Variants in OXR1 observed in about 807,000 individuals in gnomAD.
OXR1 encodes oxidation resistance protein 1.
OXR1 carries 41 observed loss-of-function variants against 104.6 expected under a neutral mutation model. That is an observed-to-expected ratio of 0.39 (90% CI 0.31 to 0.51). OXR1 has a LOEUF of 0.51. Ranked by LOEUF, OXR1 falls within the 20% of genes least tolerant of loss-of-function variation. The pLI, the probability that OXR1 is intolerant of heterozygous loss-of-function variation, is 0.77. For missense variants in OXR1, 955 were observed against 1,031.9 expected (o/e 0.93, Z 1.02); for synonymous variants, 348 against 348.4 (o/e 1.00, Z 0.01).
At chr8:106,496,189 C>G (rs1811400496) in intron 2 of OXR1, among the ~76,000 whole-genome samples, 1 of 151,904 alleles carries the variant, frequency 6.6e-6, no homozygotes, top group Non-Finnish European at 1.5e-5. Flanking sequence ...AAGTCTAATC[C>G]CTGGACCAAT....
chr8:106,513,929 A>T (rs563197802), intron 2 of OXR1, among the ~76,000 whole-genome samples: 1 of 152,264 alleles, frequency 6.6e-6, no homozygotes, highest in African/African-American at 2.4e-5. Context: ...ATTGGAATAC[A>T]TGTGCAGAGG....
chr8:106,733,044 T>C (rs933297920), intron 11 of OXR1, among the ~76,000 whole-genome samples: 1 of 152,180 alleles, frequency 6.6e-6, no homozygotes, highest in African/African-American at 2.4e-5. Context: ...TATTGATTAA[T>C]TATTTAAATA....
At chr8:106,580,826 T>C (rs1818173828) in intron 3 of OXR1, 1 of 196,110 alleles carries the variant, frequency 5.1e-6, no homozygotes, top group Non-Finnish European at 9.2e-6. Context: ...AGCTAATATT[T>C]TGTGAGCAAA....
intron 2 of OXR1, among the ~76,000 whole-genome samples, chr8:106,406,677 T>G (rs1217318343): frequency 6.6e-6 from 1 of 152,170 alleles, no homozygotes; most frequent in East Asian, 1.9e-4. Context: ...AGATCAGCAG[T>G]TGCCAGGGAT....
intron 2 of OXR1, among the ~76,000 whole-genome samples, chr8:106,401,944 A>C (rs1355079726): frequency 6.6e-6 from 1 of 152,146 alleles, no homozygotes; most frequent in Non-Finnish European, 1.5e-5. Flanking sequence ...TGGAGAGTTG[A>C]TATATCTCTG....
At chr8:106,363,160 A>G (rs1304670009) in intron 2 of OXR1, among the ~76,000 whole-genome samples, 1 of 152,260 alleles carries the variant, frequency 6.6e-6, no homozygotes, top group African/African-American at 2.4e-5. Context: ...GTGAGCATCT[A>G]TAACATGCCA....
chr8:106,398,048 C>G (rs1563754256), intron 2 of OXR1, among the ~76,000 whole-genome samples: 1 of 151,890 alleles, frequency 6.6e-6, no homozygotes, highest in African/African-American at 2.4e-5. Context: ...ATGGCCTTCT[C>G]TGTGTGTGTG....
At chr8:106,450,769 T>TC (rs1820268768) in intron 2 of OXR1, among the ~76,000 whole-genome samples, 1 of 151,922 alleles carries the variant, frequency 6.6e-6, no homozygotes, top group South Asian at 2.1e-4. Context: ...GGGTGCTTTT[T>TC]TTTTTTTTAA....
At chr8:106,731,984 T>G (rs1833933916) in intron 11 of OXR1, among the ~76,000 whole-genome samples, 3 of 152,170 alleles carry the variant, frequency 2.0e-5, no homozygotes, top group Admixed American at 2.0e-4. Flanking sequence ...ATACATCAAG[T>G]TGAGAAGAAC....
Position 106,324,628 on chromosome 8 carries a change from C to T in OXR1, c.-138-34848C>T, listed in dbSNP as rs192290825. On this transcript the variant is annotated intron_variant, in intron 1 of 16. Transcript: ENST00000517566. ...TCCTTGGGTACCGTGAAATTTCCTT[C>T]TTTTTTTTTTAGAGCACCTAGTGCC... 4.1e-3 allele frequency among the ~76,000 whole-genome samples: 611 copies of T among 148,498 alleles called. 3 individuals are homozygous for T. The highest frequency in any genetic ancestry group is 0.014 in the African/African-American group (563 of 40,562).
In OXR1 at chr8:106,706,533, G is replaced by A. The variant is rs369091497; in HGVS notation, c.1012G>A (p.Val338Met). 1.2e-6 allele frequency: 2 copies of A among 1,607,874 alleles called. No individual in the cohort carries two copies. The highest frequency in any genetic ancestry group is 2.7e-5 in the African/African-American group (2 of 74,356). Residue 338 changes from valine to methionine, a missense_variant, in exon 9 of 17, where the codon GTG becomes ATG. Val to Met is a conservative substitution (Grantham distance 21). This residue lies in a region of OXR1 where 849 missense variants were observed against 852.9 expected (regional missense o/e 1.00). Coordinates refer to ENST00000517566, the MANE Select transcript of OXR1 (RefSeq NM_001198533.2). The stretch of plus-strand genomic sequence containing the variant: ...CACTGAGGAGTCTCTTTCTGAAGAT[G>A]TGTTCACAGAATCAGAACTTTCCCC... ...RSTEESLSED[V>M]FTESELSPIR...
intron 2 of OXR1, among the ~76,000 whole-genome samples, chr8:106,476,527 C>T (rs758191615): frequency 1.3e-5 from 2 of 151,840 alleles, no homozygotes; most frequent in East Asian, 3.9e-4. Context: ...TTAGCCTAAC[C>T]CTTCCTGCCT....
At chr8:106,321,131 C>T (rs768216186) in intron 1 of OXR1, among the ~76,000 whole-genome samples, 1 of 152,102 alleles carries the variant, frequency 6.6e-6, no homozygotes, top group South Asian at 2.1e-4. Flanking sequence ...TTTATCTCTA[C>T]AAATAAGAAG....
At chr8:106,354,711 G>C (rs1341927238) in intron 1 of OXR1, among the ~76,000 whole-genome samples, 1 of 152,002 alleles carries the variant, frequency 6.6e-6, no homozygotes, top group Non-Finnish European at 1.5e-5. Flanking sequence ...TTATGTGGTA[G>C]GTTACTTAAA....
chr8:106,523,806 G>C (rs1161919952), intron 3 of OXR1, among the ~76,000 whole-genome samples: 1 of 149,634 alleles, frequency 6.7e-6, no homozygotes, highest in Admixed American at 6.7e-5. Flanking sequence ...ACGGAGTCTC[G>C]CTCTGTTGCC....
chr8:106,581,728 ATT>A (rs1818236299), intron 3 of OXR1, among the ~76,000 whole-genome samples: 1 of 152,076 alleles, frequency 6.6e-6, no homozygotes, highest in Non-Finnish European at 1.5e-5. Flanking sequence ...AGAAAAGAAG[ATT>A]ATCATTTTCA....
chr8:106,525,493 G>A (rs1229874233), intron 3 of OXR1, among the ~76,000 whole-genome samples: 5 of 152,174 alleles, frequency 3.3e-5, no homozygotes, highest in Non-Finnish European at 7.4e-5. Flanking sequence ...CATTAGAGAA[G>A]GATTGGAATA....
chr8:106,619,496 CCAAA>C (rs1400936854), intron 3 of OXR1, among the ~76,000 whole-genome samples: 2 of 151,810 alleles, frequency 1.3e-5, no homozygotes, highest in East Asian at 1.9e-4. Flanking sequence ...GGTTTTGAGC[CCAAA>C]CAATTTTTTA....
At chr8:106,730,312 T>C (rs1035469085) in intron 11 of OXR1, among the ~76,000 whole-genome samples, 4 of 152,132 alleles carry the variant, frequency 2.6e-5, no homozygotes, top group African/African-American at 9.7e-5. Context: ...TTGACAAGTG[T>C]ATAATGACAT....
Sources: allele counts gnomAD v4.1 joint callset (sites outside exome capture counted in the v4.1 genomes callset), GRCh38; gene constraint gnomAD v4.1.1; regional missense constraint gnomAD v4.1.1; transcripts MANE v1.5; gene names NCBI Gene and HGNC (gene_info 2026-07-23, HGNC 2026-07-21).